The following PANX3 variants were observed in gnomAD, a reference collection of about 807,000 sequenced individuals.
The protein encoded by PANX3 is pannexin 3.
PANX3 carries 18 observed loss-of-function variants against 31.5 expected under a neutral mutation model. The observed-to-expected ratio is 0.57, with a 90% confidence interval of 0.39 to 0.85. The LOEUF (loss-of-function observed/expected upper bound fraction) is 0.85, where lower values mean the gene tolerates loss of function less well. PANX3 is among the 40% of genes least tolerant of loss of function. The pLI, the probability that PANX3 is intolerant of heterozygous loss-of-function variation, is 0.00. For synonymous variants in PANX3, 194 were observed against 201.6 expected (o/e 0.96, Z 0.32); for missense variants, 426 against 485.4 (o/e 0.88, Z 1.15).
At chr11:124,615,403 G>A (rs1367800936) in intron 2 of PANX3, among the ~76,000 whole-genome samples, 1 of 152,018 alleles carries the variant, frequency 6.6e-6, no homozygotes, top group Non-Finnish European at 1.5e-5. Context: ...TTTCTACCCA[G>A]GTACAATCAA....
chr11:124,617,998 G>T (rs1863172944), intron 3 of PANX3, among the ~76,000 whole-genome samples: 1 of 152,244 alleles, frequency 6.6e-6, no homozygotes, highest in African/African-American at 2.4e-5. Context: ...GTATGTGTTG[G>T]GGGATGGGGG....
intron 2 of PANX3, among the ~76,000 whole-genome samples, 197 bp downstream of exon 2, chr11:124,613,319 A>G (rs1863116813): frequency 6.6e-6 from 1 of 152,176 alleles, no homozygotes; most frequent in African/African-American, 2.4e-5. Context: ...CTTTGTGCCT[A>G]AGGGTGAGGC....
At chr11:124,614,021 G>C (rs1473001503) in intron 2 of PANX3, among the ~76,000 whole-genome samples, 2 of 152,164 alleles carry the variant, frequency 1.3e-5, no homozygotes, top group African/African-American at 2.4e-5. Context: ...ACGAGGTTTA[G>C]TCAGAAGACA....
intron 2 of PANX3, among the ~76,000 whole-genome samples, chr11:124,614,116 A>G (rs1198218731): frequency 6.7e-6 from 1 of 149,006 alleles, no homozygotes; most frequent in African/African-American, 2.5e-5. Context: ...GACTTAATGG[A>G]AAGAGTTAAT....
intron 2 of PANX3, among the ~76,000 whole-genome samples, 189 bp from the exon 3 acceptor site, chr11:124,617,085 T>A (rs965242581): frequency 1.3e-5 from 2 of 152,190 alleles, no homozygotes; most frequent in African/African-American, 4.8e-5. Flanking sequence ...ACATTCCTTC[T>A]GAAGCAGGCC....
intron 3 of PANX3, 33 bp from the exon 4 acceptor site, chr11:124,619,263 T>C (rs754771756): frequency 1.3e-6 from 2 of 1,592,170 alleles, no homozygotes; most frequent in African/African-American, 2.7e-5. Context: ...AAATGGTCAC[T>C]ACTAACCTTG....
intron 2 of PANX3, 73 bp from the exon 3 acceptor site, chr11:124,617,201 G>A: frequency 8.3e-7 from 1 of 1,202,898 alleles, no homozygotes; most frequent in Non-Finnish European, 1.2e-6. Flanking sequence ...GGAAAGGAGA[G>A]CCCCTCAGTC....
chr11:124,611,449 G>T lies in PANX3; in HGVS notation c.-108G>T. 1 of 992,656 alleles carries T rather than the reference G, an allele frequency of 1.0e-6. No individual in the cohort carries two copies. Among genetic ancestry groups the T allele is most frequent in the South Asian group, 1.8e-5 (1 of 56,898 alleles). 61.5% of individuals were successfully genotyped at this position (992,656 alleles called of 1,614,324 possible). A position where few individuals can be genotyped will look rare whatever the true frequency, so the allele number is the denominator to read the frequency against. ...CAGCAGAGATATCCATAAGGCTGGG[G>T]TGGCAGGCACTGTCTGCCCAAAGTC... On this transcript the variant is annotated 5_prime_UTR_variant, in exon 1 of 4. Transcript: ENST00000284288.
chr11:124,612,921 C>T, intron 1 of PANX3, 59 bp from the exon 2 acceptor site: 2 of 1,591,898 alleles, frequency 1.3e-6, no homozygotes, highest in East Asian at 2.2e-5. Context: ...ATGATTGCCC[C>T]TGAGTCCCCA....
Position 124,611,911 on chromosome 11 carries a change from A to G in PANX3, c.181+174A>G, listed in dbSNP as rs1262127988. 2.0e-5 allele frequency among the ~76,000 whole-genome samples: 3 copies of G among 150,704 alleles called. No homozygotes were observed. In the East Asian group the frequency reaches 5.9e-4, roughly 29 times the overall value. ...TTCAGGGCACCAGCAAAGCAGAGGC[A>G]CCAAAAAATTTTGAAAGTCATCTCC... is the stretch of plus-strand genomic sequence containing the variant. On this transcript the variant is annotated intron_variant, in intron 1 of 3. Transcript: ENST00000284288.
At chr11:124,611,819 C>A in intron 1 of PANX3, 82 bp downstream of exon 1, 1 of 1,417,530 alleles carries the variant, frequency 7.1e-7, no homozygotes, top group Non-Finnish European at 9.6e-7. Flanking sequence ...TGAGATGGTG[C>A]GCACAGTGAC....
At chr11:124,614,188 AAAAG>A (rs1395992731) in intron 2 of PANX3, among the ~76,000 whole-genome samples, 1 of 151,400 alleles carries the variant, frequency 6.6e-6, no homozygotes, top group Non-Finnish European at 1.5e-5. Context: ...AAAAAAAAAA[AAAAG>A]AAAAATAAAT....
chr11:124,613,907 T>C (rs1271477908), intron 2 of PANX3, among the ~76,000 whole-genome samples: 1 of 152,158 alleles, frequency 6.6e-6, no homozygotes, highest in Non-Finnish European at 1.5e-5. Context: ...AATATTGGGC[T>C]CCCTTGTCTC....
intron 2 of PANX3, 77 bp downstream of exon 2, chr11:124,613,199 G>A (rs1399427818): frequency 8.5e-6 from 13 of 1,520,472 alleles, no homozygotes; most frequent in African/African-American, 1.4e-5. Flanking sequence ...ACTCCCTCTT[G>A]CCTCTATCCC....
At position 124,619,610 on chromosome 11, in the gene PANX3, C is replaced by T; in HGVS notation, c.854C>T (p.Pro285Leu). The T allele has an allele frequency of 1.2e-6, 2 of 1,614,132 alleles. No homozygotes were observed. Among genetic ancestry groups the T allele is most frequent in the Non-Finnish European group, 1.7e-6 (2 of 1,180,024 alleles). ...SSVAIYTILVPVIIYNLTRLC... is the reference protein window; with the variant it reads ...SSVAIYTILVLVIIYNLTRLC... ...GTAGCAATATACACCATATTGGTTCCAGTGATAATATACAACCTCACACGG... is the reference window on the plus strand; with the variant it reads ...GTAGCAATATACACCATATTGGTTCTAGTGATAATATACAACCTCACACGG... Residue 285 changes from proline (P) to leucine (L), a missense_variant, in exon 4 of 4, where the codon CCA becomes CTA. By Grantham distance (98) the Pro-to-Leu change is moderately conservative. Transcript: ENST00000284288.
rs779263006 is a variant in PANX3, at chr11:124,619,789, T to C, written c.1033T>C (p.Trp345Arg). ...CATCTCTGAGCTCATCTCTTTTAGC[T>C]GGCTGAGTGTCTTATGTGTGTTGAA... ...ANISELISFS[W>R]LSVLCVLKDT... The change falls in exon 4 of 4, where the codon TGG becomes CGG. Residue 345 changes from tryptophan to arginine, a missense_variant. Coordinates refer to ENST00000284288, the MANE Select transcript of PANX3 (RefSeq NM_052959.3). 5.2e-5 allele frequency: 84 copies of C among 1,614,080 alleles called. No homozygotes were observed. The highest frequency in any genetic ancestry group is 6.8e-5 in the Non-Finnish European group (80 of 1,180,042).
At chr11:124,614,710 C>G (rs1249351402) in intron 2 of PANX3, among the ~76,000 whole-genome samples, 1 of 122,894 alleles carries the variant, frequency 8.1e-6, no homozygotes, top group Non-Finnish European at 1.6e-5. Context: ...GAGTCTGGCT[C>G]TTGTCCCCCA....
Position 124,619,483 on chromosome 11 carries a change from T to A in PANX3, c.727T>A (p.Ser243Thr). Residue 243 changes from serine (S) to threonine (T), a missense_variant, in exon 4 of 4, where the codon TCC becomes ACC. Transcript: ENST00000284288. ...DVFFQEEFSCSIKTGLLSDET... is the reference protein window; with the variant it reads ...DVFFQEEFSCTIKTGLLSDET... ...CTTCTTCCAGGAAGAATTCAGCTGCTCCATCAAGACAGGGCTGCTAAGTGA... is the reference window on the plus strand; with the variant it reads ...CTTCTTCCAGGAAGAATTCAGCTGCACCATCAAGACAGGGCTGCTAAGTGA... The A allele has an allele frequency of 6.2e-7, 1 of 1,614,172 alleles. No homozygotes were observed. The highest frequency in any genetic ancestry group is 8.5e-7 in the Non-Finnish European group (1 of 1,180,026).
intron 2 of PANX3, among the ~76,000 whole-genome samples, chr11:124,617,023 A>AC (rs1057350023): frequency 3.3e-4 from 48 of 145,070 alleles, no homozygotes; most frequent in Middle Eastern, 3.5e-3. Flanking sequence ...TCTCCCTGGG[A>AC]CCCCACACAG....
Sources: gnomAD v4.1 joint callset for allele counts (sites outside exome capture counted in the v4.1 genomes callset) on GRCh38, gnomAD v4.1.1 for gene constraint, MANE v1.5 for transcripts, NCBI Gene and HGNC (gene_info 2026-07-23, HGNC 2026-07-21) for gene names.